The following ELP6 variants were observed in gnomAD, a reference collection of about 807,000 sequenced individuals.
ELP6 encodes the protein elongator complex protein 6.
In ELP6, 23 loss-of-function variants were observed where a neutral mutation model predicts 28.1. That is an observed-to-expected ratio of 0.82 (90% CI 0.59 to 1.16). The LOEUF is 1.16. ELP6 is among the 50% of genes most tolerant of loss of function. The pLI, the probability that ELP6 is intolerant of heterozygous loss-of-function variation, is 0.00. For missense variants in ELP6, 313 were observed against 334.6 expected, an observed-to-expected ratio of 0.94 and a Z score of 0.50; for synonymous variants, 132 against 135.8, an observed-to-expected ratio of 0.97 and a Z score of 0.19.
Position 47,495,952 on chromosome 3 carries a change from A to C in ELP6, c.*117T>G. The C allele has an allele frequency of 6.4e-7, 1 of 1,555,896 alleles. No individual in the cohort carries two copies. Among genetic ancestry groups the C allele is most frequent in the Middle Eastern group, 2.0e-4 (1 of 4,982 alleles). ...GCACTCAACCCTCTGGTCACAGTGG[A>C]GTCGCCGGTCCAGCCTGAAATATTA... On this transcript the variant is annotated 3_prime_UTR_variant, in exon 7 of 7. Coordinates refer to ENST00000296149, the MANE Select transcript of ELP6 (RefSeq NM_001031703.3).
At chr3:47,502,525 G>T (rs1222331778) in intron 4 of ELP6, 2 of 984,788 alleles carry the variant, frequency 2.0e-6, no homozygotes, top group Non-Finnish European at 1.2e-6. Flanking sequence ...TTCCCAGGAG[G>T]TTATACACAG....
chr3:47,513,705 G>C lies in ELP6; in HGVS notation c.-115C>G. The C allele has an allele frequency of 7.4e-7, 1 of 1,346,072 alleles. No homozygotes were observed. Among genetic ancestry groups the C allele is most frequent in the Non-Finnish European group, 1.0e-6 (1 of 971,090 alleles). The allele number at this position is 1,346,072 out of a possible 1,614,324, so 83.4% of individuals were successfully genotyped here. A position where few individuals can be genotyped will look rare whatever the true frequency, so the allele number is the denominator to read the frequency against. ...GGCTCGCGCAAGGAAGCGCGCATGC[G>C]CAATGCCACTTTTGCGAGCCAGCCA... On this transcript the variant is annotated 5_prime_UTR_variant, in exon 1 of 7. Coordinates refer to ENST00000296149, the MANE Select transcript of ELP6 (RefSeq NM_001031703.3).
chr3:47,513,427 C>T, intron 1 of ELP6, 110 bp downstream of exon 1: 1 of 1,522,428 alleles, frequency 6.6e-7, no homozygotes. Flanking sequence ...CCCAGGTACC[C>T]CGTGCCGGGT....
intron 5 of ELP6, 113 bp downstream of exon 5, chr3:47,501,537 G>T: frequency 1.8e-6 from 2 of 1,140,742 alleles, no homozygotes; most frequent in Non-Finnish European, 2.5e-6. Flanking sequence ...GCCTGCCAGA[G>T]TAAAGCCAAA....
chr3:47,512,553 A>C (rs555162050), intron 1 of ELP6: 1 of 903,452 alleles, frequency 1.1e-6, no homozygotes, highest in African/African-American at 1.8e-5. Context: ...TCCATCAAAA[A>C]TAAATAAATA....
chr3:47,510,132 G>T, intron 3 of ELP6, 52 bp downstream of exon 3: 1 of 1,375,984 alleles, frequency 7.3e-7, no homozygotes, highest in Non-Finnish European at 1.0e-6. Context: ...TAGACCATGT[G>T]TGACACACAC....
chr3:47,513,323 C>T lies in ELP6; in HGVS notation c.54+214G>A, dbSNP rs557752591. On this transcript the variant is annotated intron_variant, in intron 1 of 6. Coordinates refer to ENST00000296149, the MANE Select transcript of ELP6 (RefSeq NM_001031703.3). The stretch of plus-strand genomic sequence containing the variant: ...CAGGGACTTTTAAGGACACGCACAG[C>T]CGTTGAGAATATGCGAGATGGCCCA... The T allele has an allele frequency of 1.1e-4, 150 of 1,385,302 alleles. 1 individual carries two copies. In the African/African-American group the frequency reaches 2.2e-3, roughly 20 times the overall value. 85.8% of individuals were successfully genotyped at this position (1,385,302 alleles called of 1,614,324 possible). A position where few individuals can be genotyped will look rare whatever the true frequency, so the allele number is the denominator to read the frequency against.
chr3:47,505,852 G>A (rs902761633), intron 3 of ELP6, among the ~76,000 whole-genome samples: 4 of 152,136 alleles, frequency 2.6e-5, no homozygotes, highest in Non-Finnish European at 5.9e-5. Context: ...GATTACAGGC[G>A]TGAGCCACCG....
At chr3:47,501,438 G>GC (rs1708646237) in intron 5 of ELP6, 1 of 578,210 alleles carries the variant, frequency 1.7e-6, no homozygotes, top group African/African-American at 1.9e-5. Flanking sequence ...CCCACTGAAT[G>GC]CAATGTTGAT....
intron 5 of ELP6, among the ~76,000 whole-genome samples, chr3:47,499,011 G>T (rs1436380062): frequency 1.3e-5 from 2 of 152,222 alleles, no homozygotes; most frequent in Non-Finnish European, 2.9e-5. Context: ...AAATGGAGGG[G>T]AAGGTCAACC....
rs187393376 is a variant in ELP6, at chr3:47,504,876, C to T, written c.205-428G>A. Among the ~76,000 whole-genome samples, 978 of 152,284 alleles carry T rather than the reference C, an allele frequency of 6.4e-3. 6 individuals carry two copies. Among genetic ancestry groups the T allele is most frequent in the South Asian group, 0.012 (56 of 4,826 alleles). ...TCAGGAGGCTGAGGTAGGAGGATCACGTGCGCCCAGGAGGTCAAGGCTGCA... is the reference window on the plus strand; with the variant it reads ...TCAGGAGGCTGAGGTAGGAGGATCATGTGCGCCCAGGAGGTCAAGGCTGCA... On this transcript the variant is annotated intron_variant, in intron 3 of 6. Coordinates refer to ENST00000296149, the MANE Select transcript of ELP6 (RefSeq NM_001031703.3).
rs567779481 is a variant in ELP6, at chr3:47,505,300, A to C, written c.205-852T>G. The stretch of plus-strand genomic sequence containing the variant: ...AAACAAACAAACAAACAACAAAAAA[A>C]CCCCCACAAAAAATGGGATGCAGAA... On this transcript the variant is annotated intron_variant, in intron 3 of 6. Coordinates refer to ENST00000296149, the MANE Select transcript of ELP6 (RefSeq NM_001031703.3). Among the ~76,000 whole-genome samples the C allele has an allele frequency of 1.5e-4, 23 of 151,342 alleles. No homozygotes were observed. In the East Asian group the frequency reaches 3.9e-3, roughly 26 times the overall value.
intron 3 of ELP6, among the ~76,000 whole-genome samples, chr3:47,506,784 C>T (rs565148615): frequency 1.8e-4 from 27 of 152,154 alleles, no homozygotes; most frequent in African/African-American, 7.2e-5. Flanking sequence ...CCTCGGCTTG[C>T]GAGATGACAG....
At chr3:47,513,233 G>T in intron 1 of ELP6, 1 of 1,234,002 alleles carries the variant, frequency 8.1e-7, no homozygotes, top group Non-Finnish European at 1.0e-6. Context: ...CTTAGATGAT[G>T]CACCCGCCTC....
intron 3 of ELP6, among the ~76,000 whole-genome samples, chr3:47,508,485 C>G (rs1708912855): frequency 6.6e-6 from 1 of 152,130 alleles, no homozygotes; most frequent in South Asian, 2.1e-4. Flanking sequence ...AAGGTATAAG[C>G]CACCACCCCT....
In ELP6 at chr3:47,510,326, A is replaced by G. The variant is rs149558183; in HGVS notation, c.134-72T>C. The G allele has an allele frequency of 4.0e-3, 5,314 of 1,320,270 alleles. 13 individuals are homozygous for G. The highest frequency in any genetic ancestry group is 4.7e-3 in the Non-Finnish European group (4,481 of 945,392). 81.8% of individuals were successfully genotyped at this position (1,320,270 alleles called of 1,614,324 possible). A position where few individuals can be genotyped will look rare whatever the true frequency, so the allele number is the denominator to read the frequency against. ...AGACTCACTGATTTCATACCTCTGG[A>G]AAAAAAAGCACTGAGGCAAATCTAG... On this transcript the variant is annotated intron_variant, in intron 2 of 6. Transcript: ENST00000296149.
rs73081220 is a variant in ELP6 at position 47,502,495 on chromosome 3, G to A, written c.324-644C>T. The A allele has an allele frequency of 3.1e-3, 3,046 of 984,544 alleles. 8 individuals carry two copies. The highest frequency in any genetic ancestry group is 3.9e-3 in the Admixed American group (63 of 16,176). The allele number at this position is 984,544 out of a possible 1,614,324, so 61.0% of individuals were successfully genotyped here. On this transcript the variant is annotated intron_variant, in intron 4 of 6. Transcript: ENST00000296149. ...CTTAAGGAATCTGGAAGATCAGCTTGGATTGGGCAGGCGGAAACCTTCCCA... is the reference window on the plus strand; with the variant it reads ...CTTAAGGAATCTGGAAGATCAGCTTAGATTGGGCAGGCGGAAACCTTCCCA...
At chr3:47,497,302 A>G in intron 6 of ELP6, 1 of 985,124 alleles carries the variant, frequency 1.0e-6, no homozygotes, top group East Asian at 1.1e-4. Context: ...TGGGGCAGCA[A>G]CCCTGGTCCA....
chr3:47,498,097 G>GGCT, intron 6 of ELP6, 189 bp downstream of exon 6: 1 of 1,368,148 alleles, frequency 7.3e-7, no homozygotes, highest in African/African-American at 1.5e-5. Flanking sequence ...GGAAAACGTG[G>GGCT]GCTGGTCCAT....
Sources: allele counts gnomAD v4.1 joint callset (sites outside exome capture counted in the v4.1 genomes callset), GRCh38; gene constraint gnomAD v4.1.1; transcripts MANE v1.5; gene names NCBI Gene and HGNC (gene_info 2026-07-23, HGNC 2026-07-21).